The following WDR88 variants were observed in gnomAD, a reference collection of about 807,000 sequenced individuals.
The protein encoded by WDR88 is WD repeat domain 88, also known as WD repeat-containing protein 88.
Under a neutral mutation model 46.8 loss-of-function variants are expected in WDR88, and 40 were observed. That is an observed-to-expected ratio of 0.86 (90% CI 0.66 to 1.11). WDR88 has a LOEUF of 1.11. WDR88 is among the 50% of genes most tolerant of loss of function. The probability of loss-of-function intolerance (pLI) is 0.00; values close to 1 mark genes in which losing one functional copy is unlikely to be tolerated. For synonymous variants in WDR88, 235 were observed against 240.7 expected, an observed-to-expected ratio of 0.98 and a Z score of 0.22; for missense variants, 562 against 602.4, an observed-to-expected ratio of 0.93 and a Z score of 0.70.
intron 4 of WDR88, among the ~76,000 whole-genome samples, chr19:33,148,181 C>T (rs1034135071): frequency 6.6e-5 from 10 of 151,888 alleles, no homozygotes; most frequent in African/African-American, 1.9e-4. Flanking sequence ...GGTCACTCTC[C>T]GTCCATCCCA....
intron 5 of WDR88, 67 bp from the exon 6 acceptor site, chr19:33,151,114 C>G (rs1340586578): frequency 1.3e-6 from 2 of 1,551,656 alleles, no homozygotes; most frequent in Non-Finnish European, 1.7e-6. Context: ...CTGGGGAAGT[C>G]GTGGGAGTCC....
chr19:33,171,602 T>C (rs567479486), intron 9 of WDR88, among the ~76,000 whole-genome samples: 1 of 152,180 alleles, frequency 6.6e-6, no homozygotes, highest in African/African-American at 2.4e-5. Flanking sequence ...TACTGTAAGA[T>C]AGAAGTCTGA....
Position 33,172,303 on chromosome 19 carries a change from G to A in WDR88, c.1150-45G>A, listed in dbSNP as rs368992324. On this transcript the variant is annotated intron_variant, in intron 9 of 10. Coordinates refer to ENST00000355868, the MANE Select transcript of WDR88 (RefSeq NM_173479.4). The stretch of plus-strand genomic sequence containing the variant: ...TTGAATGACATTCCTTTGTATGGAT[G>A]TACCACAGCCTGTTTTGTGACCGCT... The A allele has an allele frequency of 1.5e-5, 22 of 1,489,706 alleles. No individual in the cohort carries two copies. In the African/African-American group the frequency reaches 2.9e-4, roughly 20 times the overall value. 92.3% of individuals were successfully genotyped at this position (1,489,706 alleles called of 1,614,324 possible).
chr19:33,173,734 T>C (rs8101539), intron 10 of WDR88, among the ~76,000 whole-genome samples: 25,223 of 152,300 alleles, frequency 0.17, 2,739 homozygotes, highest in Admixed American at 0.28. Flanking sequence ...TGTTTTTCAC[T>C]GGCCACCTAG....
intron 10 of WDR88, chr19:33,174,435 C>A: frequency 1.5e-6 from 2 of 1,372,462 alleles, no homozygotes; most frequent in Non-Finnish European, 1.9e-6. Context: ...TGGTGGGAAC[C>A]CCTGAGGGGC....
At chr19:33,137,264 T>C (rs1973288290) in intron 1 of WDR88, among the ~76,000 whole-genome samples, 1 of 145,884 alleles carries the variant, frequency 6.9e-6, no homozygotes, top group African/African-American at 2.5e-5. Context: ...AATTTTTTTT[T>C]TTTTTTTCAG....
chr19:33,146,516 CCCTTCCTT>C (rs1173305421), intron 3 of WDR88, among the ~76,000 whole-genome samples: 5 of 143,534 alleles, frequency 3.5e-5, no homozygotes, highest in Non-Finnish European at 6.0e-5. Flanking sequence ...CTCCCTTCCT[CCCTTCCTT>C]CCTTCTTTCC....
intron 2 of WDR88, among the ~76,000 whole-genome samples, chr19:33,140,456 C>T (rs1973366355): frequency 6.6e-6 from 1 of 152,124 alleles, no homozygotes; most frequent in Non-Finnish European, 1.5e-5. Flanking sequence ...CACCAAAGTC[C>T]CAGTTTCATA....
Position 33,151,250 on chromosome 19 carries a change from T to C in WDR88, c.749T>C (p.Leu250Ser), listed in dbSNP as rs946383536. Residue 250 changes from leucine to serine, a missense_variant, in exon 6 of 11, where the codon TTG (leucine) becomes TCG (serine). Physicochemically the swap from Leu to Ser is moderately radical, Grantham distance 145. Transcript: ENST00000355868. ...AGCCAGAGGGTGGCTTCTGTCTCAT[T>C]GGACAGGTGCATCAAGATCTGGGAT... ...PDSQRVASVS[L>S]DRCIKIWDVT... The C allele has an allele frequency of 2.4e-5, 39 of 1,613,744 alleles. No homozygotes were observed. The highest frequency in any genetic ancestry group is 3.2e-5 in the Non-Finnish European group (38 of 1,179,892).
chr19:33,167,167 A>G (rs1347983070), intron 9 of WDR88, among the ~76,000 whole-genome samples: 1 of 152,200 alleles, frequency 6.6e-6, no homozygotes, highest in African/African-American at 2.4e-5. Flanking sequence ...TATGCTCAAC[A>G]TAATATTGGC....
chr19:33,156,210 T>C, intron 6 of WDR88, 145 bp from the exon 7 acceptor site: 1 of 681,442 alleles, frequency 1.5e-6, no homozygotes, highest in Non-Finnish European at 2.4e-6. Context: ...CACTTAGGTA[T>C]GTCTTCAGGT....
At chr19:33,143,113 T>C (rs561582535) in intron 2 of WDR88, among the ~76,000 whole-genome samples, 3 of 151,894 alleles carry the variant, frequency 2.0e-5, no homozygotes, top group African/African-American at 7.2e-5. Flanking sequence ...GAGGGTTGCT[T>C]GAGGCCAAGA....
At chr19:33,132,723 C>T (rs920922283) in intron 1 of WDR88, among the ~76,000 whole-genome samples, 9 of 152,222 alleles carry the variant, frequency 5.9e-5, no homozygotes, top group Non-Finnish European at 1.2e-4. Context: ...CCATGTGACC[C>T]CATCTAGACC....
chr19:33,150,044 A>G (rs1973601423), intron 5 of WDR88, among the ~76,000 whole-genome samples: 1 of 152,314 alleles, frequency 6.6e-6, no homozygotes, highest in South Asian at 2.1e-4. Flanking sequence ...ACATGTTCCC[A>G]TGGGGGCTGC....
chr19:33,134,199 G>A (rs1471699076), intron 1 of WDR88, among the ~76,000 whole-genome samples: 1 of 152,152 alleles, frequency 6.6e-6, no homozygotes, highest in Non-Finnish European at 1.5e-5. Flanking sequence ...GGGACTGTGT[G>A]CAGAAAAAAA....
rs1973733073 is a variant in WDR88, at chr19:33,156,291, G to C, written c.810-64G>C. 4 of 1,531,498 alleles carry C rather than the reference G, an allele frequency of 2.6e-6. No homozygotes were observed. In the Admixed American group the frequency reaches 7.3e-5, roughly 28 times the overall value. The allele number at this position is 1,531,498 out of a possible 1,614,324, so 94.9% of individuals were successfully genotyped here. ...ACAGGAGAAAATACCCCCGGCTTTA[G>C]GTATGTCTTCAGGTCCTCCAGGAGC... On this transcript the variant is annotated intron_variant, in intron 6 of 10. Transcript: ENST00000355868.
intron 6 of WDR88, among the ~76,000 whole-genome samples, chr19:33,154,119 G>A (rs1599899433): frequency 6.6e-6 from 1 of 152,222 alleles, no homozygotes; most frequent in East Asian, 1.9e-4. Context: ...GGCCTTCTAC[G>A]AGAAGTGGGA....
At chr19:33,175,326 T>C (rs1974104567) in intron 10 of WDR88, 70 bp from the exon 11 acceptor site, 1 of 1,504,814 alleles carries the variant, frequency 6.6e-7, no homozygotes, top group African/African-American at 1.4e-5. Context: ...GCTGGGAGAA[T>C]TCTAATGGCA....
intron 3 of WDR88, among the ~76,000 whole-genome samples, chr19:33,146,278 G>A (rs1043414227): frequency 3.3e-5 from 5 of 152,058 alleles, no homozygotes; most frequent in African/African-American, 9.7e-5. Flanking sequence ...CCTGGGCGAC[G>A]AGTGAAACTC....
Sources: gnomAD v4.1 joint callset for allele counts (sites outside exome capture counted in the v4.1 genomes callset) on GRCh38, gnomAD v4.1.1 for gene constraint, MANE v1.5 for transcripts, NCBI Gene and HGNC (gene_info 2026-07-23, HGNC 2026-07-21) for gene names.